TBC1D22A: variants seen among roughly 807,000 people sequenced by gnomAD.
The protein encoded by TBC1D22A is putative GTPase activator.
A neutral mutation model predicts 60.2 loss-of-function variants in TBC1D22A; 38 were observed. The ratio of observed to expected loss-of-function variants is 0.63; its 90% CI spans 0.49 to 0.83. The LOEUF is 0.83. Among genes scored for constraint, TBC1D22A ranks in the 40% least tolerant of loss-of-function variants. The probability of loss-of-function intolerance (pLI) is 0.00; values close to 1 mark genes in which losing one functional copy is unlikely to be tolerated. For synonymous variants in TBC1D22A, 302 were observed against 281.7 expected, an observed-to-expected ratio of 1.07 and a Z score of -0.72; for missense variants, 628 against 701.0, an observed-to-expected ratio of 0.90 and a Z score of 1.18.
chr22:46,841,338 T>C (rs756102349), intron 4 of TBC1D22A, among the ~76,000 whole-genome samples: 3 of 152,238 alleles, frequency 2.0e-5, no homozygotes, highest in Non-Finnish European at 2.9e-5. Flanking sequence ...CGTTCCGCCA[T>C]GTGAGGACAC....
chr22:47,005,590 C>T (rs181154512), intron 10 of TBC1D22A, among the ~76,000 whole-genome samples: 75 of 147,026 alleles, frequency 5.1e-4, no homozygotes, highest in Non-Finnish European at 8.6e-4. Flanking sequence ...CAAACCTATA[C>T]ACACACACAC....
intron 12 of TBC1D22A, among the ~76,000 whole-genome samples, chr22:47,143,847 A>G (rs2067193809): frequency 6.6e-6 from 1 of 152,338 alleles, no homozygotes; most frequent in Middle Eastern, 3.4e-3. Context: ...GAAGGTTGAC[A>G]ACTACAGCCC....
intron 12 of TBC1D22A, among the ~76,000 whole-genome samples, chr22:47,132,695 C>T (rs566570309): frequency 2.0e-5 from 3 of 152,340 alleles, no homozygotes; most frequent in South Asian, 2.1e-4. Context: ...GCCACGGTTG[C>T]TGTGCCTTGT....
chr22:46,792,774 G>C, intron 2 of TBC1D22A, 198 bp downstream of exon 2: 1 of 1,462,288 alleles, frequency 6.8e-7, no homozygotes, highest in Non-Finnish European at 9.0e-7. Flanking sequence ...TGAAGACGGC[G>C]GATGTGGGAG....
In TBC1D22A at chr22:47,143,146, G is replaced by GTCTCTC. The variant is rs375120148; in HGVS notation, c.1426-30345_1426-30340dup. Among the ~76,000 whole-genome samples the GTCTCTC allele has an allele frequency of 4.9e-4, 75 of 151,844 alleles. 2 individuals are homozygous for GTCTCTC. Among genetic ancestry groups the GTCTCTC allele is most frequent in the Non-Finnish European group, 1.0e-4 (7 of 67,972 alleles). ...AGGACCTTTTCTCCTGGAAGCCCCC[G>GTCTCTC]TCTCTCTCTCTCCCAGAAGGGGAAT... On this transcript the variant is annotated intron_variant, in intron 12 of 12. Transcript: ENST00000337137.
chr22:47,136,152 T>C (rs2066863545), intron 12 of TBC1D22A, among the ~76,000 whole-genome samples: 1 of 152,184 alleles, frequency 6.6e-6, no homozygotes, highest in African/African-American at 2.4e-5. Flanking sequence ...AGGCCCAGGC[T>C]CCCTCCACCA....
chr22:47,128,817 G>A (rs1007193025), intron 12 of TBC1D22A, among the ~76,000 whole-genome samples: 52 of 152,162 alleles, frequency 3.4e-4, no homozygotes, highest in African/African-American at 7.0e-4. Context: ...TGTGTACTGC[G>A]TCCGAGGCAG....
chr22:46,973,407 G>A (rs1049086714), intron 8 of TBC1D22A, among the ~76,000 whole-genome samples: 5 of 152,238 alleles, frequency 3.3e-5, no homozygotes, highest in Non-Finnish European at 5.9e-5. Context: ...AGGGCCTGGC[G>A]CGTCAGCAGA....
intron 9 of TBC1D22A, among the ~76,000 whole-genome samples, chr22:46,991,473 T>C (rs2074937067): frequency 6.6e-6 from 1 of 152,168 alleles, no homozygotes; most frequent in African/African-American, 2.4e-5. Flanking sequence ...AATGAGCTAA[T>C]AGGAACAAAT....
chr22:46,763,042 C>T (rs2146637235), intron 1 of TBC1D22A, among the ~76,000 whole-genome samples, 194 bp downstream of exon 1: 1 of 152,040 alleles, frequency 6.6e-6, no homozygotes, highest in Non-Finnish European at 1.5e-5. Flanking sequence ...AGTGGCTGCA[C>T]GTAGGATCGA....
chr22:46,963,093 C>T (rs533608558), intron 8 of TBC1D22A, among the ~76,000 whole-genome samples: 9 of 151,298 alleles, frequency 5.9e-5, no homozygotes, highest in South Asian at 2.1e-4. Flanking sequence ...TGGTGGTGGG[C>T]GCCTGTAGTC....
intron 7 of TBC1D22A, among the ~76,000 whole-genome samples, chr22:46,899,461 A>T (rs6009035): frequency 2.0e-5 from 3 of 151,024 alleles, no homozygotes; most frequent in Non-Finnish European, 4.4e-5. Context: ...AAAAAAAAAA[A>T]TTTGTCTTGT....
chr22:47,020,041 C>A (rs762904), intron 10 of TBC1D22A, among the ~76,000 whole-genome samples: 51,643 of 151,664 alleles, frequency 0.34, 9,610 homozygotes, highest in African/African-American at 0.49. Flanking sequence ...TCCATCCCCC[C>A]ACCCATGTCT....
chr22:47,098,304 C>A (rs1201155333), intron 11 of TBC1D22A, among the ~76,000 whole-genome samples: 1 of 152,146 alleles, frequency 6.6e-6, no homozygotes, highest in Non-Finnish European at 1.5e-5. Context: ...CCAGGGTGAG[C>A]GTTTTAAGAG....
intron 12 of TBC1D22A, among the ~76,000 whole-genome samples, chr22:47,172,058 TACCC>T (rs2068498236): frequency 2.8e-5 from 3 of 107,880 alleles, no homozygotes; most frequent in Non-Finnish European, 4.0e-5. Context: ...CCAGTGAGCC[TACCC>T]AGCACTCCCA....
chr22:46,767,489 C>T (rs1326268677), intron 1 of TBC1D22A, among the ~76,000 whole-genome samples: 1 of 152,096 alleles, frequency 6.6e-6, no homozygotes, highest in Non-Finnish European at 1.5e-5. Flanking sequence ...TAGGAACAGC[C>T]CCAGGTGCTG....
intron 8 of TBC1D22A, among the ~76,000 whole-genome samples, chr22:46,941,525 C>G (rs71313076): frequency 0.01 from 832 of 81,942 alleles, 13 homozygotes; most frequent in East Asian, 0.012. Flanking sequence ...TATATATACA[C>G]GGAATATATA....
At chr22:47,116,012 T>C (rs960750746) in intron 12 of TBC1D22A, 5 of 152,272 alleles carry the variant, frequency 3.3e-5, no homozygotes, top group Non-Finnish European at 1.5e-5. Context: ...AACCTCTCAG[T>C]TTGGCTTCCC....
intron 8 of TBC1D22A, among the ~76,000 whole-genome samples, chr22:46,919,396 C>T (rs981488284): frequency 2.0e-5 from 3 of 152,214 alleles, no homozygotes; most frequent in African/African-American, 2.4e-5. Flanking sequence ...TGTGTTTCTC[C>T]ACTCATCTGT....
Sources: allele counts gnomAD v4.1 joint callset (sites outside exome capture counted in the v4.1 genomes callset), GRCh38; gene constraint gnomAD v4.1.1; transcripts MANE v1.5; gene names NCBI Gene and HGNC (gene_info 2026-07-23, HGNC 2026-07-21).